Variants in SCAPER observed in about 807,000 individuals in gnomAD.
SCAPER encodes the protein S-phase cyclin A associated protein in the ER.
Under a neutral mutation model 182.2 loss-of-function variants are expected in SCAPER, and 98 were observed. The ratio of observed to expected loss-of-function variants is 0.54; its 90% CI spans 0.46 to 0.64. The LOEUF (loss-of-function observed/expected upper bound fraction) is 0.64, where lower values mean the gene tolerates loss of function less well. Ranked by LOEUF, SCAPER falls within the 30% of genes least tolerant of loss-of-function variation. SCAPER has a pLI of 0.00. For synonymous variants in SCAPER, 605 were observed against 564.6 expected (o/e 1.07, Z -1.01); for missense variants, 1,432 against 1,690.0 (o/e 0.85, Z 2.68).
chr15:76,766,854 C>G, intron 11 of SCAPER, 64 bp downstream of exon 11: 2 of 1,371,964 alleles, frequency 1.5e-6, no homozygotes, highest in Non-Finnish European at 2.0e-6. Flanking sequence ...GTCTTTCTGG[C>G]CCAGATAATT....
rs552244861 is a variant in SCAPER at position 76,787,518 on chromosome 15, G to A, written c.772+7762C>T. Among the ~76,000 whole-genome samples the A allele has an allele frequency of 4.6e-5, 7 of 152,180 alleles. 1 individual carries two copies. Among genetic ancestry groups the A allele is most frequent in the African/African-American group, 1.7e-4 (7 of 41,510 alleles). The stretch of plus-strand genomic sequence containing the variant: ...ATTTTTTATTTTTAGTAAAGGCAAG[G>A]TCTCACTATGTTGCCCAGGCTGGAT... On this transcript the variant is annotated intron_variant, in intron 8 of 31. Transcript: ENST00000563290.
At position 76,596,439 on chromosome 15, in the gene SCAPER, A is replaced by G. The variant is rs1265209130; in HGVS notation, c.2712-22155T>C. 9.1e-5 allele frequency among the ~76,000 whole-genome samples: 11 copies of G among 120,694 alleles called. 4 individuals are homozygous for G. The highest frequency in any genetic ancestry group is 2.6e-4 in the South Asian group (1 of 3,848). 79.2% of individuals were successfully genotyped at this position (120,694 alleles called of 152,430 possible). A position where few individuals can be genotyped will look rare whatever the true frequency, so the allele number is the denominator to read the frequency against. On this transcript the variant is annotated intron_variant, in intron 22 of 31. Coordinates refer to ENST00000563290, the MANE Select transcript of SCAPER (RefSeq NM_020843.4). ...AAACTACTTCAAACAATAGAAAAAG[A>G]CGGACTCCTCCCTAACTCATTTTAT...
At chr15:76,398,312 G>A (rs756293563) in intron 27 of SCAPER, among the ~76,000 whole-genome samples, 2 of 152,182 alleles carry the variant, frequency 1.3e-5, no homozygotes, top group Admixed American at 1.3e-4. Context: ...CATGTTAAGT[G>A]CTTTTGTTAT....
intron 21 of SCAPER, among the ~76,000 whole-genome samples, chr15:76,653,981 GA>G (rs2055394484): frequency 6.6e-6 from 1 of 152,148 alleles, no homozygotes; most frequent in Admixed American, 6.5e-5. Context: ...CTAATATCTA[GA>G]ATCTACAGAG....
At chr15:76,871,574 T>G (rs1027003033) in intron 2 of SCAPER, among the ~76,000 whole-genome samples, 24 of 140,098 alleles carry the variant, frequency 1.7e-4, no homozygotes, top group Non-Finnish European at 3.6e-4. Context: ...ACAATTTGCT[T>G]TTTTTTTTTT....
At chr15:76,670,753 G>A (rs1415873422) in intron 20 of SCAPER, among the ~76,000 whole-genome samples, 1 of 152,116 alleles carries the variant, frequency 6.6e-6, no homozygotes, top group African/African-American at 2.4e-5. Context: ...TGTTTTCTGT[G>A]ACTTAGGATG....
intron 24 of SCAPER, among the ~76,000 whole-genome samples, chr15:76,475,177 C>G (rs1223356549): frequency 6.6e-6 from 1 of 152,104 alleles, no homozygotes; most frequent in African/African-American, 2.4e-5. Context: ...AAAATACTAT[C>G]AAGAGAAAAT....
chr15:76,842,267 T>G (rs2151779408), intron 4 of SCAPER, among the ~76,000 whole-genome samples: 1 of 152,336 alleles, frequency 6.6e-6, no homozygotes, highest in East Asian at 1.9e-4. Flanking sequence ...TTGATATGGT[T>G]AGGCTTTCTG....
intron 17 of SCAPER, among the ~76,000 whole-genome samples, chr15:76,727,036 T>C (rs1463592032): frequency 6.9e-6 from 1 of 144,710 alleles, no homozygotes; most frequent in Non-Finnish European, 1.5e-5. Context: ...TAGAAAAGCA[T>C]ACAAAAATCC....
At chr15:76,355,505 C>A (rs1356949114) in intron 29 of SCAPER, among the ~76,000 whole-genome samples, 2 of 152,094 alleles carry the variant, frequency 1.3e-5, no homozygotes, top group Non-Finnish European at 2.9e-5. Flanking sequence ...CCAAATGTTC[C>A]CCACATTAGA....
At chr15:76,818,059 C>T (rs565480365) in intron 5 of SCAPER, among the ~76,000 whole-genome samples, 1 of 152,212 alleles carries the variant, frequency 6.6e-6, no homozygotes, top group East Asian at 1.9e-4. Flanking sequence ...TACTAAAAAG[C>T]TATAGTAATC....
At chr15:76,452,267 C>T (rs1160980066) in intron 25 of SCAPER, among the ~76,000 whole-genome samples, 1 of 152,226 alleles carries the variant, frequency 6.6e-6, no homozygotes, top group Non-Finnish European at 1.5e-5. Flanking sequence ...CCTTGCATTG[C>T]TGATCCTGGC....
intron 1 of SCAPER, among the ~76,000 whole-genome samples, chr15:76,900,806 G>A (rs904937445): frequency 2.6e-5 from 4 of 152,178 alleles, no homozygotes; most frequent in Non-Finnish European, 4.4e-5. Flanking sequence ...CCAAAATATA[G>A]GGGCCCATCT....
chr15:76,471,128 T>A, intron 25 of SCAPER, 84 bp downstream of exon 25: 4 of 1,055,300 alleles, frequency 3.8e-6, no homozygotes, highest in Non-Finnish European at 5.0e-6. Context: ...GGAGAGTAAC[T>A]AAGTTGAATT....
intron 23 of SCAPER, among the ~76,000 whole-genome samples, chr15:76,557,977 A>T (rs28808106): frequency 0.093 from 14,112 of 152,182 alleles, 799 homozygotes; most frequent in African/African-American, 0.15. Context: ...CGCCTTTCTT[A>T]CACCATATAA....
At chr15:76,642,955 A>T (rs551571977) in intron 21 of SCAPER, among the ~76,000 whole-genome samples, 2 of 152,300 alleles carry the variant, frequency 1.3e-5, no homozygotes, top group South Asian at 4.1e-4. Context: ...TTTTACAAAA[A>T]TAGGTTTCAA....
intron 23 of SCAPER, among the ~76,000 whole-genome samples, chr15:76,568,190 CATATATATAT>C (rs60959582): frequency 0.27 from 37,866 of 138,344 alleles, 5,499 homozygotes; most frequent in East Asian, 0.4. Context: ...ATGGATCAAG[CATATATATAT>C]ATATATATAT....
chr15:76,554,537 A>C (rs1446475717), intron 23 of SCAPER, among the ~76,000 whole-genome samples: 3 of 152,190 alleles, frequency 2.0e-5, no homozygotes, highest in Admixed American at 2.0e-4. Flanking sequence ...CAGTCATCAG[A>C]TTCTCCAAGT....
rs1411126412 is a variant in SCAPER, at chr15:76,375,732, C to T, written c.3855+430G>A. ...GTGTGATGGCTTATGCCTGTAATCT[C>T]AGCACTTTGGGAGGCCAAGGCAGGC... On this transcript the variant is annotated intron_variant, in intron 29 of 31. Coordinates refer to ENST00000563290, the MANE Select transcript of SCAPER (RefSeq NM_020843.4). Among the ~76,000 whole-genome samples, 3 of 152,208 alleles carry T rather than the reference C, an allele frequency of 2.0e-5. No homozygotes were observed. In the East Asian group the frequency reaches 5.8e-4, roughly 29 times the overall value.
Sources: gnomAD v4.1 joint callset for allele counts (sites outside exome capture counted in the v4.1 genomes callset) on GRCh38, gnomAD v4.1.1 for gene constraint, MANE v1.5 for transcripts, NCBI Gene and HGNC (gene_info 2026-07-23, HGNC 2026-07-21) for gene names.